IRX2: variants seen among roughly 807,000 people sequenced by gnomAD.
IRX2 encodes iroquois homeobox 2, also known as iroquois-class homeodomain protein IRX-2.
Under a neutral mutation model 42.9 loss-of-function variants are expected in IRX2, and 26 were observed. The observed-to-expected ratio is 0.61, with a 90% confidence interval of 0.44 to 0.84. The LOEUF is 0.84. Ranked by LOEUF, IRX2 falls within the 40% of genes least tolerant of loss-of-function variation. The probability of loss-of-function intolerance (pLI) is 0.00; values close to 1 mark genes in which losing one functional copy is unlikely to be tolerated. For synonymous variants in IRX2, 424 were observed against 353.9 expected, an observed-to-expected ratio of 1.20 and a Z score of -2.22; for missense variants, 782 against 713.9, an observed-to-expected ratio of 1.10 and a Z score of -1.09.
rs868552420 is a variant in IRX2 at position 2,746,921 on chromosome 5, T to C, written c.*643A>G. 1.3e-5 allele frequency: 2 copies of C among 152,542 alleles called. No individual in the cohort carries two copies. The highest frequency in any genetic ancestry group is 4.8e-5 in the African/African-American group (2 of 41,450). 9.4% of individuals were successfully genotyped at this position (152,542 alleles called of 1,614,324 possible). A position where few individuals can be genotyped will look rare whatever the true frequency, so the allele number is the denominator to read the frequency against. On this transcript the variant is annotated 3_prime_UTR_variant, in exon 4 of 4. Coordinates refer to ENST00000302057, the MANE Select transcript of IRX2 (RefSeq NM_033267.5). ...ATCTATGATTAGTAATTCTGACTCG[T>C]TGCAAAGCAACATATTTTTTGAGAT...
Position 2,749,026 on chromosome 5 carries a change from T to A in IRX2, c.682A>T (p.Thr228Ser), listed in dbSNP as rs1389565321. 6.3e-7 allele frequency: 1 copy of A among 1,597,122 alleles called. No individual in the cohort carries two copies. The highest frequency in any genetic ancestry group is 1.1e-5 in the South Asian group (1 of 90,804). Residue 228 changes from threonine (T) to serine (S), a missense_variant, in exon 3 of 4, where the codon ACG (threonine) becomes TCG (serine). Thr to Ser is a moderately conservative substitution (Grantham distance 58). Coordinates refer to ENST00000302057, the MANE Select transcript of IRX2 (RefSeq NM_033267.5). ...EGISLHVDSL[T>S]DHSCSAESDG... ...GACTCGGCCGAGCACGAGTGATCCGTGAGCGAGTCCACGTGCAGGCTGATC... is the reference window on the plus strand; with the variant it reads ...GACTCGGCCGAGCACGAGTGATCCGAGAGCGAGTCCACGTGCAGGCTGATC...
chr5:2,737,955 G>A, the IRX2 span, among the ~76,000 whole-genome samples: 1 of 152,130 alleles, frequency 6.6e-6, no homozygotes, highest in Non-Finnish European at 1.5e-5. Flanking sequence ...ACCCCCTGCA[G>A]CCCACAGCCC....
At chr5:2,750,640 G>C (rs1737915684) in intron 1 of IRX2, among the ~76,000 whole-genome samples, 1 of 152,324 alleles carries the variant, frequency 6.6e-6, no homozygotes, top group Non-Finnish European at 1.5e-5. Flanking sequence ...TGGGCGCCTC[G>C]GGCCGGACTC....
intron 3 of IRX2, among the ~76,000 whole-genome samples, chr5:2,748,095 G>A (rs988791361): frequency 6.6e-6 from 1 of 152,092 alleles, no homozygotes; most frequent in Non-Finnish European, 1.5e-5. Flanking sequence ...AACTAAGACA[G>A]CCACGATAGT....
At chr5:2,749,250 G>A in intron 2 of IRX2, 132 bp downstream of exon 2, 2 of 1,446,992 alleles carry the variant, frequency 1.4e-6, no homozygotes, top group Non-Finnish European at 1.8e-6. Context: ...GCGACCCCAG[G>A]GCAATGTGGT....
intron 2 of IRX2, among the ~76,000 whole-genome samples, 158 bp downstream of exon 2, chr5:2,749,224 G>A (rs563383299): frequency 6.6e-6 from 1 of 152,194 alleles, no homozygotes; most frequent in Non-Finnish European, 1.5e-5. Context: ...CCGAGGAATC[G>A]CTCGCTCAAA....
chr5:2,748,756 G>A lies in IRX2; in HGVS notation c.952C>T (p.Pro318Ser). 1 of 1,363,568 alleles carries A rather than the reference G, an allele frequency of 7.3e-7. No homozygotes were observed. Among genetic ancestry groups the A allele is most frequent in the East Asian group, 3.2e-5 (1 of 31,744 alleles). 84.5% of individuals were successfully genotyped at this position (1,363,568 alleles called of 1,614,324 possible). Residue 318 changes from proline to serine, a missense_variant, in exon 3 of 4, where the codon CCG (proline) becomes TCG (serine). By Grantham distance (74) the Pro-to-Ser change is moderately conservative. Coordinates refer to ENST00000302057, the MANE Select transcript of IRX2 (RefSeq NM_033267.5). ...RKTPQGSRTSPGAPPPASKPK... is the reference protein window; with the variant it reads ...RKTPQGSRTSSGAPPPASKPK... ...TTGCTGGCGGGGGGCGGCGCGCCCG[G>A]AGACGTCCGGCTGCCCTGGGGCGTC... is the stretch of plus-strand genomic sequence containing the variant.
chr5:2,751,516 C>A lies in IRX2; in HGVS notation c.-103G>T. On this transcript the variant is annotated 5_prime_UTR_variant, in exon 1 of 4. Transcript: ENST00000302057. This position sits in a 1 kb window ranked among gnomAD's most constrained non-coding sequence, Gnocchi z 4.0. ...GGGGCGCGGCGCGGCGGCGGGCACC[C>A]GGACGGCCGGCGGAGGCAGGCCGGC... The A allele has an allele frequency of 1.2e-6, 1 of 840,578 alleles. No homozygotes were observed. The highest frequency in any genetic ancestry group is 1.4e-6 in the Non-Finnish European group (1 of 701,356). 52.1% of individuals were successfully genotyped at this position (840,578 alleles called of 1,614,324 possible).
chr5:2,740,578 A>C, the IRX2 span, among the ~76,000 whole-genome samples: 2 of 152,300 alleles, frequency 1.3e-5, no homozygotes, highest in South Asian at 4.1e-4. Flanking sequence ...CCCTGAAGAA[A>C]TGATTGCAGC....
At position 2,748,386 on chromosome 5, in the gene IRX2, G is replaced by A; in HGVS notation, c.1322C>T (p.Ser441Phe). The A allele has an allele frequency of 1.4e-6, 2 of 1,478,340 alleles. No homozygotes were observed. The highest frequency in any genetic ancestry group is 1.3e-5 in the South Asian group (1 of 76,744). 91.6% of individuals were successfully genotyped at this position (1,478,340 alleles called of 1,614,324 possible). The change falls in exon 3 of 4, where the codon TCC becomes TTC. Residue 441 changes from serine to phenylalanine, a missense_variant. Transcript: ENST00000302057. The part of the protein sequence containing the change: ...AGKAGAHPLE[S>F]HYRSPGGGYE... ...GCCGCCGCCCGGGGACCGGTAGTGG[G>A]ACTCGAGCGGGTGCGCGCCCGCCTT... is the stretch of plus-strand genomic sequence containing the variant.
Position 2,747,311 on chromosome 5 carries a change from A to ATG in IRX2, c.*252_*253insCA. 7.8e-6 allele frequency: 2 copies of ATG among 256,188 alleles called. No individual in the cohort carries two copies. Among genetic ancestry groups the ATG allele is most frequent in the South Asian group, 1.2e-4 (2 of 16,718 alleles). 15.9% of individuals were successfully genotyped at this position (256,188 alleles called of 1,614,324 possible). ...ATTACACACACACACACACACATAT[A>ATG]TATATATATTTTTTTTTTCCTTCCC... On this transcript the variant is annotated 3_prime_UTR_variant, in exon 4 of 4. Transcript: ENST00000302057.
chr5:2,740,652 C>G, the IRX2 span, among the ~76,000 whole-genome samples: 1 of 152,144 alleles, frequency 6.6e-6, no homozygotes, highest in Non-Finnish European at 1.5e-5. Context: ...CTTGAGCCAG[C>G]TTCTGCCCCT....
chr5:2,739,766 C>G, the IRX2 span, among the ~76,000 whole-genome samples: 69,082 of 152,080 alleles, frequency 0.45, 15,967 homozygotes, highest in South Asian at 0.6. Context: ...GGCTGAGGGC[C>G]AGGGAGCGAG....
At position 2,748,560 on chromosome 5, in the gene IRX2, T is replaced by C. The variant is rs1323725615; in HGVS notation, c.1148A>G (p.Tyr383Cys). The C allele has an allele frequency of 3.8e-6, 6 of 1,569,340 alleles. No homozygotes were observed. The highest frequency in any genetic ancestry group is 1.8e-5 in the Admixed American group (1 of 54,846). Reference sequence around the variant, plus strand: ...GTTGCCGTAGAAGGGCGACGTGTAGTAGAGGGGGCGGCCCAGCAGCGGCGA... The same window carrying C: ...GTTGCCGTAGAAGGGCGACGTGTAGCAGAGGGGGCGGCCCAGCAGCGGCGA... Reference protein sequence around the residue: ...PASPLLGRPLYYTSPFYGNYT... With the variant: ...PASPLLGRPLCYTSPFYGNYT... Residue 383 changes from tyrosine (Y) to cysteine (C), a missense_variant, in exon 3 of 4, where the codon TAC becomes TGC. This residue lies in a region of IRX2 where 520 missense variants were observed against 437.8 expected (regional missense o/e 1.19). Coordinates refer to ENST00000302057, the MANE Select transcript of IRX2 (RefSeq NM_033267.5).
rs753504193 is a variant in IRX2 at position 2,748,977 on chromosome 5, C to A, written c.731G>T (p.Arg244Leu). 6.3e-7 allele frequency: 1 copy of A among 1,597,410 alleles called. No homozygotes were observed. The change falls in exon 3 of 4, where the codon CGC (arginine) becomes CTC (leucine). Residue 244 changes from arginine (R) to leucine (L), a missense_variant. Coordinates refer to ENST00000302057, the MANE Select transcript of IRX2 (RefSeq NM_033267.5). ...CGATTCGCACAGGGGGTCCCCGGCG[C>A]GGCACGGAAGCTTCTCCCCGTCCGA... ...AESDGEKLPC[R>L]AGDPLCESGS...
At chr5:2,750,560 T>C (rs1184331238) in intron 1 of IRX2, among the ~76,000 whole-genome samples, 3 of 152,214 alleles carry the variant, frequency 2.0e-5, no homozygotes, top group African/African-American at 7.2e-5. Flanking sequence ...CAGGCGGCCC[T>C]TAGCGGGTCA....
downstream of IRX2, among the ~76,000 whole-genome samples, chr5:2,742,392 A>G (rs1377639218): frequency 6.6e-6 from 1 of 152,212 alleles, no homozygotes; most frequent in East Asian, 1.9e-4. Flanking sequence ...AGCCTTTAAA[A>G]TATCTGTAGG....
At chr5:2,745,871 C>T (rs1015357242), downstream of IRX2, 6 of 152,052 alleles carry the variant, frequency 3.9e-5, no homozygotes, top group East Asian at 1.9e-4. Context: ...TTTATTTTGC[C>T]AAGTTTTAAA....
chr5:2,738,476 A>T, the IRX2 span, among the ~76,000 whole-genome samples: 1 of 152,156 alleles, frequency 6.6e-6, no homozygotes, highest in African/African-American at 2.4e-5. Flanking sequence ...CTGGGTACCA[A>T]GGAGCCTGAT....
Sources: allele counts gnomAD v4.1 joint callset (sites outside exome capture counted in the v4.1 genomes callset), GRCh38; gene constraint gnomAD v4.1.1; regional missense constraint gnomAD v4.1.1; non-coding constraint Gnocchi (gnomAD v3.1); transcripts MANE v1.5; gene names NCBI Gene and HGNC (gene_info 2026-07-23, HGNC 2026-07-21).